The following PARM1 variants were observed in gnomAD, a reference collection of about 807,000 sequenced individuals.
PARM1 encodes prostate androgen-regulated mucin-like protein 1.
A neutral mutation model predicts 24.6 loss-of-function variants in PARM1; 14 were observed. That is an observed-to-expected ratio of 0.57 (90% CI 0.38 to 0.89). The LOEUF is 0.89. PARM1 is among the 40% of genes least tolerant of loss of function. The probability of loss-of-function intolerance (pLI) is 0.00; values close to 1 mark genes in which losing one functional copy is unlikely to be tolerated. For missense variants in PARM1, 362 were observed against 380.4 expected, an observed-to-expected ratio of 0.95 and a Z score of 0.40; for synonymous variants, 179 against 156.6, an observed-to-expected ratio of 1.14 and a Z score of -1.07.
chr4:74,959,106 C>T (rs1721707295), intron 1 of PARM1, among the ~76,000 whole-genome samples: 1 of 152,086 alleles, frequency 6.6e-6, no homozygotes, highest in Admixed American at 6.5e-5. Flanking sequence ...ATGGCTAGTG[C>T]AATTGAGGAA....
intron 1 of PARM1, among the ~76,000 whole-genome samples, chr4:74,936,457 T>TG (rs869268769): frequency 0.014 from 868 of 61,414 alleles, 6 homozygotes; most frequent in Non-Finnish European, 0.02. Flanking sequence ...TTGTTTGTTT[T>TG]TTTGTTTTTT....
intron 2 of PARM1, among the ~76,000 whole-genome samples, chr4:75,030,471 C>A (rs1560797784): frequency 6.6e-6 from 1 of 151,976 alleles, no homozygotes; most frequent in Non-Finnish European, 1.5e-5. Flanking sequence ...TGGTCCTGGG[C>A]CATTAAAAAA....
intron 3 of PARM1, among the ~76,000 whole-genome samples, chr4:75,035,124 C>T (rs1158945767): frequency 1.3e-5 from 2 of 152,226 alleles, no homozygotes; most frequent in African/African-American, 4.8e-5. Context: ...CATTGGCTTT[C>T]ATCTCACTTC....
chr4:74,976,387 G>A (rs932668120), intron 1 of PARM1, among the ~76,000 whole-genome samples: 1 of 152,168 alleles, frequency 6.6e-6, no homozygotes, highest in Non-Finnish European at 1.5e-5. Context: ...CCTCCTCACA[G>A]GGTGGGGCCT....
intron 1 of PARM1, among the ~76,000 whole-genome samples, chr4:74,951,601 C>T (rs1002154844): frequency 1.3e-5 from 2 of 152,070 alleles, no homozygotes; most frequent in African/African-American, 4.8e-5. Context: ...CCCCCAACCC[C>T]GCGACAGGCC....
rs1009991657 is a variant in PARM1 at position 75,046,040 on chromosome 4, G to A, written c.849-123G>A. 9.3e-6 allele frequency: 6 copies of A among 647,546 alleles called. No individual in the cohort carries two copies. In the South Asian group the frequency reaches 1.1e-4, roughly 12 times the overall value. The allele number at this position is 647,546 out of a possible 1,614,324, so 40.1% of individuals were successfully genotyped here. A position where few individuals can be genotyped will look rare whatever the true frequency, so the allele number is the denominator to read the frequency against. Reference sequence around the variant, plus strand: ...GTGGGTGGGTCTGCTGTCCTAGTGAGAGCGTCACAACTTTCCCTCTCCCTG... The same window carrying A: ...GTGGGTGGGTCTGCTGTCCTAGTGAAAGCGTCACAACTTTCCCTCTCCCTG... On this transcript the variant is annotated intron_variant, in intron 3 of 3. Transcript: ENST00000307428.
intron 1 of PARM1, among the ~76,000 whole-genome samples, chr4:74,997,154 A>T (rs1326826226): frequency 6.6e-6 from 1 of 152,100 alleles, no homozygotes; most frequent in Non-Finnish European, 1.5e-5. Flanking sequence ...TGAGATGGGA[A>T]CCTGTCGTGT....
In PARM1 at chr4:75,007,779, C is replaced by T. The variant is rs1578048362; in HGVS notation, c.44-4646C>T. ...TAGATGAGATCATGTGGGTGGGGCC[C>T]TTATGATGGAATTAGTGCCCTTATA... On this transcript the variant is annotated intron_variant, in intron 1 of 3. Transcript: ENST00000307428. Among the ~76,000 whole-genome samples, 7 of 152,212 alleles carry T rather than the reference C, an allele frequency of 4.6e-5. No individual in the cohort carries two copies. In the South Asian group the frequency reaches 1.5e-3, roughly 32 times the overall value.
At chr4:74,969,304 A>G (rs955367951) in intron 1 of PARM1, among the ~76,000 whole-genome samples, 1 of 152,178 alleles carries the variant, frequency 6.6e-6, no homozygotes, top group African/African-American at 2.4e-5. Context: ...GAGGGTTTGT[A>G]GGCACTTAGA....
intron 2 of PARM1, among the ~76,000 whole-genome samples, chr4:75,032,549 C>A (rs1424642401): frequency 6.6e-6 from 1 of 152,098 alleles, no homozygotes; most frequent in Non-Finnish European, 1.5e-5. Flanking sequence ...ACTTTTGAGA[C>A]CTAGTACACA....
At chr4:74,973,937 C>G (rs902698661) in intron 1 of PARM1, among the ~76,000 whole-genome samples, 1 of 152,010 alleles carries the variant, frequency 6.6e-6, no homozygotes, top group African/African-American at 2.4e-5. Flanking sequence ...AGAATTGGCT[C>G]GGATGATTAC....
chr4:75,023,415 A>C (rs1471314264), intron 2 of PARM1, among the ~76,000 whole-genome samples: 2 of 152,234 alleles, frequency 1.3e-5, no homozygotes, highest in African/African-American at 4.8e-5. Flanking sequence ...TAAGCACTAC[A>C]TAAACGTTAG....
intron 1 of PARM1, among the ~76,000 whole-genome samples, chr4:75,001,183 C>G (rs933475194): frequency 1.3e-5 from 2 of 152,194 alleles, no homozygotes; most frequent in South Asian, 2.1e-4. Flanking sequence ...AGCCATGAAG[C>G]AAGCAGCTTT....
intron 1 of PARM1, among the ~76,000 whole-genome samples, chr4:74,973,923 G>A (rs1007044): frequency 0.34 from 52,039 of 151,932 alleles, 11,250 homozygotes; most frequent in African/African-American, 0.61. Context: ...GAGATTTATT[G>A]TAAAGAATTG....
intron 3 of PARM1, chr4:75,034,969 C>G (rs1723342066): frequency 6.6e-6 from 1 of 152,524 alleles, no homozygotes; most frequent in South Asian, 2.1e-4. Flanking sequence ...TCCCTCTCTC[C>G]CTCTGAAGTC....
intron 1 of PARM1, among the ~76,000 whole-genome samples, chr4:74,954,427 G>A (rs1721592684): frequency 6.6e-6 from 1 of 152,180 alleles, no homozygotes; most frequent in Non-Finnish European, 1.5e-5. Flanking sequence ...TTGAAAGTGT[G>A]CCTATGTTCT....
chr4:74,987,529 A>G (rs865850851), intron 1 of PARM1, among the ~76,000 whole-genome samples: 1 of 152,242 alleles, frequency 6.6e-6, no homozygotes, highest in African/African-American at 2.4e-5. Context: ...TTATTTGTAA[A>G]AACTTCTTTT....
intron 1 of PARM1, among the ~76,000 whole-genome samples, chr4:75,002,531 C>A (rs1436702623): frequency 2.0e-5 from 3 of 151,938 alleles, no homozygotes; most frequent in Non-Finnish European, 4.4e-5. Context: ...GTCTCCCAGG[C>A]CAGTGTGTGT....
rs11552358 is a variant in PARM1, at chr4:75,012,748, G to T, written c.367G>T (p.Glu123Ter). The change falls in exon 2 of 4, where the codon GAG becomes TAG. Residue 123 changes from glutamate to a stop codon, truncating the protein, a stop_gained. Coordinates refer to ENST00000307428, the MANE Select transcript of PARM1 (RefSeq NM_015393.4). LOFTEE classifies it high-confidence loss of function. ...SGGVHLTTTLEEHSSGTPEAG... is the reference protein window; with the variant it reads ...SGGVHLTTTL ...TGGAGTCCACTTAACAACCACGTTG[G>T]AGGAACACAGCTCGGGCACTCCTGA... 1 of 1,613,938 alleles carries T rather than the reference G, an allele frequency of 6.2e-7. No homozygotes were observed. The highest frequency in any genetic ancestry group is 8.5e-7 in the Non-Finnish European group (1 of 1,179,860).
Sources: gnomAD v4.1 joint callset for allele counts (sites outside exome capture counted in the v4.1 genomes callset) on GRCh38, gnomAD v4.1.1 for gene constraint, MANE v1.5 for transcripts, NCBI Gene and HGNC (gene_info 2026-07-23, HGNC 2026-07-21) for gene names.